Variants in CIMIP6 observed in about 807,000 individuals in gnomAD.
CIMIP6 encodes the protein uncharacterized protein C2orf73.
chr2:54,365,849 A>T, the CIMIP6 span, among the ~76,000 whole-genome samples: 1 of 152,276 alleles, frequency 6.6e-6, no homozygotes, highest in Non-Finnish European at 1.5e-5. Context: ...AGTAGATTAA[A>T]CATAGCTTAA....
At chr2:54,363,659 T>G in the CIMIP6 span, among the ~76,000 whole-genome samples, 1 of 152,144 alleles carries the variant, frequency 6.6e-6, no homozygotes. Context: ...AATTTTTTTT[T>G]CTGATCATAA....
the CIMIP6 span, among the ~76,000 whole-genome samples, chr2:54,340,639 C>T: frequency 2.0e-5 from 3 of 152,190 alleles, no homozygotes; most frequent in African/African-American, 7.2e-5. Context: ...CTTTCACAAA[C>T]TGCAGAGCCT....
chr2:54,368,251 A>G, the CIMIP6 span, among the ~76,000 whole-genome samples: 1 of 152,194 alleles, frequency 6.6e-6, no homozygotes, highest in Non-Finnish European at 1.5e-5. Flanking sequence ...GATAGTGGGA[A>G]GGTACTTTTA....
the CIMIP6 span, among the ~76,000 whole-genome samples, chr2:54,375,343 A>G: frequency 4.6e-5 from 7 of 152,244 alleles, no homozygotes; most frequent in Non-Finnish European, 1.0e-4. Flanking sequence ...GAAAATAGCA[A>G]AGGGGCTAAA....
chr2:54,346,613 G>A, the CIMIP6 span, among the ~76,000 whole-genome samples: 13 of 152,250 alleles, frequency 8.5e-5, no homozygotes, highest in Admixed American at 3.3e-4. Context: ...GTTTTGATAA[G>A]CTAGAAGGCA....
At chr2:54,335,196 T>C in the CIMIP6 span, among the ~76,000 whole-genome samples, 2 of 152,212 alleles carry the variant, frequency 1.3e-5, no homozygotes, top group Admixed American at 1.3e-4. Context: ...CTTTTACATA[T>C]AAACAATACG....
At chr2:54,354,136 C>T in the CIMIP6 span, among the ~76,000 whole-genome samples, 6 of 152,078 alleles carry the variant, frequency 3.9e-5, no homozygotes, top group Admixed American at 2.6e-4. Context: ...TATAGGACCT[C>T]CTTAATTTTA....
At chr2:54,344,306 A>G in the CIMIP6 span, among the ~76,000 whole-genome samples, 1 of 152,224 alleles carries the variant, frequency 6.6e-6, no homozygotes, top group African/African-American at 2.4e-5. Context: ...ACACATATCT[A>G]AATTCCCTGC....
the CIMIP6 span, among the ~76,000 whole-genome samples, chr2:54,378,108 C>T: frequency 4.6e-5 from 7 of 152,188 alleles, no homozygotes; most frequent in Non-Finnish European, 1.0e-4. Flanking sequence ...CCTAGTTCTC[C>T]TTTCCTTTTT....
chr2:54,341,522 C>T, the CIMIP6 span, among the ~76,000 whole-genome samples: 4 of 152,194 alleles, frequency 2.6e-5, no homozygotes, highest in South Asian at 4.1e-4. Context: ...CAGACTAAGA[C>T]GTGCACTTAC....
At chr2:54,353,799 C>A in the CIMIP6 span, among the ~76,000 whole-genome samples, 1 of 152,122 alleles carries the variant, frequency 6.6e-6, no homozygotes, top group Non-Finnish European at 1.5e-5. Flanking sequence ...ACAAATATCT[C>A]CTTCCAATCT....
chr2:54,340,884 G>A, the CIMIP6 span, among the ~76,000 whole-genome samples: 2 of 152,156 alleles, frequency 1.3e-5, no homozygotes, highest in Non-Finnish European at 2.9e-5. Context: ...AGGATCACCT[G>A]AGTCCAGGAG....
At chr2:54,364,573 G>A in the CIMIP6 span, among the ~76,000 whole-genome samples, 1 of 152,166 alleles carries the variant, frequency 6.6e-6, no homozygotes, top group Non-Finnish European at 1.5e-5. Flanking sequence ...CCCCAAGTCT[G>A]CAGTTAGCAA....
the CIMIP6 span, chr2:54,360,373 A>G: frequency 5.6e-6 from 9 of 1,609,830 alleles, no homozygotes; most frequent in Admixed American, 1.0e-4. Flanking sequence ...GTCTCTGCCA[A>G]CAAAATTCTC....
At chr2:54,354,259 G>T in the CIMIP6 span, among the ~76,000 whole-genome samples, 1 of 152,052 alleles carries the variant, frequency 6.6e-6, no homozygotes, top group Non-Finnish European at 1.5e-5. Context: ...TGGATTTTTA[G>T]CTGGTCTTAA....
At chr2:54,367,410 CTG>C in the CIMIP6 span, among the ~76,000 whole-genome samples, 101 of 152,138 alleles carry the variant, frequency 6.6e-4, no homozygotes, top group African/African-American at 2.4e-3. Context: ...TTTTCCTGGT[CTG>C]TGAAATTCCA....
At chr2:54,383,567 A>C in the CIMIP6 span, 1 of 152,130 alleles carries the variant, frequency 6.6e-6, no homozygotes, top group Non-Finnish European at 1.5e-5. Context: ...CAAATTTGGG[A>C]CTTGTTTGCT....
chr2:54,382,743 T>C, the CIMIP6 span, among the ~76,000 whole-genome samples: 16 of 152,332 alleles, frequency 1.1e-4, no homozygotes, highest in South Asian at 3.1e-3. Flanking sequence ...ATTCACTTAA[T>C]TGGACCATGT....
At chr2:54,375,239 TAAC>T in the CIMIP6 span, among the ~76,000 whole-genome samples, 24 of 152,160 alleles carry the variant, frequency 1.6e-4, no homozygotes, top group Non-Finnish European at 2.6e-4. Flanking sequence ...ATTTGTAAGA[TAAC>T]AAAGTATTAA....
Sources: gnomAD v4.1 joint callset for allele counts (sites outside exome capture counted in the v4.1 genomes callset) on GRCh38, gnomAD v4.1.1 for gene constraint, MANE v1.5 for transcripts, NCBI Gene and HGNC (gene_info 2026-07-23, HGNC 2026-07-21) for gene names.